Variants in ZNF670 observed in about 807,000 individuals in gnomAD.
ZNF670 encodes zinc finger protein 670.
In ZNF670, 7 loss-of-function variants were observed where a neutral mutation model predicts 10.9. The observed-to-expected ratio is 0.64, with a 90% CI of 0.36 to 1.20. The LOEUF (loss-of-function observed/expected upper bound fraction) is 1.20, where lower values mean the gene tolerates loss of function less well. ZNF670 is among the 50% of genes most tolerant of loss of function. The probability of loss-of-function intolerance (pLI) is 0.02; values close to 1 mark genes in which losing one functional copy is unlikely to be tolerated. For missense variants in ZNF670, 446 were observed against 458.6 expected, an observed-to-expected ratio of 0.97 and a Z score of 0.25; for synonymous variants, 136 against 152.7, an observed-to-expected ratio of 0.89 and a Z score of 0.81.
chr1:247,038,524 T>TGTTTTAAA, intron 3 of ZNF670, 97 bp from the exon 4 acceptor site: 1 of 1,274,988 alleles, frequency 7.8e-7, no homozygotes, highest in Non-Finnish European at 1.1e-6. Flanking sequence ...ATATCTAAAT[T>TGTTTTAAA]GTTTTAAAGT....
rs529792374 is a variant in ZNF670, at chr1:247,069,307, G to A, written c.3+9287C>T. Among the ~76,000 whole-genome samples, 5 of 150,966 alleles carry A rather than the reference G, an allele frequency of 3.3e-5. No individual in the cohort carries two copies. The East Asian group carries it at 9.6e-4, about 29-fold the overall frequency. On this transcript the variant is annotated intron_variant, in intron 1 of 3. Transcript: ENST00000366503. ...ATCCATAGATATATACACCTTGTAT[G>A]TCCCCAAGAAAGTTAAAGAAGACAA...
intron 1 of ZNF670, among the ~76,000 whole-genome samples, chr1:247,048,872 G>A (rs2103057775): frequency 1.3e-5 from 2 of 152,266 alleles, no homozygotes; most frequent in Middle Eastern, 6.8e-3. Context: ...GTGAGACATT[G>A]GGTGGGGACA....
chr1:247,039,360 C>CA lies in ZNF670; in HGVS notation c.130+50dup, dbSNP rs759758805. On this transcript the variant is annotated intron_variant, in intron 2 of 3. Coordinates refer to ENST00000366503, the MANE Select transcript of ZNF670 (RefSeq NM_033213.5). The stretch of plus-strand genomic sequence containing the variant: ...ACAGGTGTGAGCCACCACGCCCAGC[C>CA]AAAACACTTGCGTTGTAATCAACTA... The CA allele has an allele frequency of 3.8e-6, 6 of 1,583,476 alleles. No homozygotes were observed. In the Admixed American group the frequency reaches 9.1e-5, roughly 24 times the overall value.
chr1:247,039,976 G>A (rs893700956), intron 1 of ZNF670, among the ~76,000 whole-genome samples: 4 of 152,060 alleles, frequency 2.6e-5, no homozygotes, highest in Admixed American at 6.5e-5. Context: ...TTTTTTTGAC[G>A]GATCTCATCA....
At chr1:247,055,197 C>T (rs1438040070) in intron 1 of ZNF670, among the ~76,000 whole-genome samples, 1 of 152,238 alleles carries the variant, frequency 6.6e-6, no homozygotes, top group Non-Finnish European at 1.5e-5. Flanking sequence ...AGCGGGCTTC[C>T]AGGAAATAGT....
chr1:247,078,735 C>A lies in ZNF670; in HGVS notation c.-139G>T. 3.4e-6 allele frequency: 3 copies of A among 892,704 alleles called. No individual in the cohort carries two copies. Among genetic ancestry groups the A allele is most frequent in the South Asian group, 3.3e-5 (2 of 60,914 alleles). The allele number at this position is 892,704 out of a possible 1,614,324, so 55.3% of individuals were successfully genotyped here. On this transcript the variant is annotated 5_prime_UTR_variant, in exon 1 of 4. Transcript: ENST00000366503. The stretch of plus-strand genomic sequence containing the variant: ...AGCAGCGGAGACGCACCGAGCTCGC[C>A]ACATTCGCGCTGCCCAACACAAAAG...
At chr1:247,070,466 G>A (rs143167537) in intron 1 of ZNF670, among the ~76,000 whole-genome samples, 1,607 of 151,720 alleles carry the variant, frequency 0.011, 16 homozygotes, top group African/African-American at 0.026. Context: ...GTGAGACTCC[G>A]TCTCAAAACA....
chr1:247,043,980 C>G (rs142073264), intron 1 of ZNF670: 1 of 191,300 alleles, frequency 5.2e-6, no homozygotes, highest in Non-Finnish European at 1.1e-5. Flanking sequence ...GGGTAAACAC[C>G]GAAAAAGAGA....
intron 1 of ZNF670, among the ~76,000 whole-genome samples, chr1:247,041,934 CCAAA>C (rs1233959791): frequency 6.6e-6 from 1 of 151,864 alleles, no homozygotes; most frequent in Non-Finnish European, 1.5e-5. Context: ...AAAAAAGTAG[CCAAA>C]CAATCACAAC....
At chr1:247,078,200 T>A (rs1478279013) in intron 1 of ZNF670, among the ~76,000 whole-genome samples, 1 of 152,204 alleles carries the variant, frequency 6.6e-6, no homozygotes, top group Non-Finnish European at 1.5e-5. Flanking sequence ...AACTCCTTAA[T>A]ATTTTAACGG....
chr1:247,075,289 C>T (rs1479592379), intron 1 of ZNF670, among the ~76,000 whole-genome samples: 1 of 152,174 alleles, frequency 6.6e-6, no homozygotes, highest in African/African-American at 2.4e-5. Context: ...GGGTTATCCA[C>T]TGTTATAAAT....
intron 1 of ZNF670, among the ~76,000 whole-genome samples, chr1:247,072,158 C>CCTTTTTTTTTTTTTTTTTTTTTTTTTT (rs1671132755): frequency 7.2e-6 from 1 of 139,484 alleles, no homozygotes; most frequent in South Asian, 2.3e-4. Context: ...CGCCCAGCCA[C>CCTTTTTTTTTTTTTTTTTTTTTTTTTT]TTTTTTTTTT....
At chr1:247,077,631 A>G (rs908884857) in intron 1 of ZNF670, among the ~76,000 whole-genome samples, 1 of 152,208 alleles carries the variant, frequency 6.6e-6, no homozygotes, top group African/African-American at 2.4e-5. Context: ...AAAATAACAC[A>G]CTTCATCTGT....
At chr1:247,071,505 T>G (rs1671113294) in intron 1 of ZNF670, among the ~76,000 whole-genome samples, 3 of 152,244 alleles carry the variant, frequency 2.0e-5, no homozygotes. Flanking sequence ...GTCTAAAAAC[T>G]ACCTATTGGT....
At chr1:247,061,980 A>G (rs1670869544) in intron 1 of ZNF670, among the ~76,000 whole-genome samples, 2 of 152,206 alleles carry the variant, frequency 1.3e-5, no homozygotes, top group Non-Finnish European at 2.9e-5. Context: ...CTACAGAGCT[A>G]TCATTTAACT....
At chr1:247,065,536 G>GA (rs1670961106) in intron 1 of ZNF670, among the ~76,000 whole-genome samples, 2 of 152,034 alleles carry the variant, frequency 1.3e-5, no homozygotes, top group African/African-American at 4.8e-5. Flanking sequence ...GGAGTGAAAA[G>GA]AAAAAATTAC....
intron 1 of ZNF670, among the ~76,000 whole-genome samples, chr1:247,049,271 T>C (rs1670535468): frequency 6.6e-6 from 1 of 152,058 alleles, no homozygotes; most frequent in East Asian, 1.9e-4. Context: ...CTAATTTTTG[T>C]ATTTTTAGCT....
intron 1 of ZNF670, among the ~76,000 whole-genome samples, chr1:247,058,686 T>A (rs1306252666): frequency 6.8e-6 from 1 of 147,016 alleles, no homozygotes. Flanking sequence ...GGTTCCATCA[T>A]TACTACTAAT....
chr1:247,058,114 C>T (rs1241478701), intron 1 of ZNF670, among the ~76,000 whole-genome samples: 2 of 152,136 alleles, frequency 1.3e-5, no homozygotes, highest in Non-Finnish European at 2.9e-5. Flanking sequence ...TAAATATATA[C>T]ACCTAGTATG....
Sources: gnomAD v4.1 joint callset for allele counts (sites outside exome capture counted in the v4.1 genomes callset) on GRCh38, gnomAD v4.1.1 for gene constraint, MANE v1.5 for transcripts, NCBI Gene and HGNC (gene_info 2026-07-23, HGNC 2026-07-21) for gene names.